Variants in EPSTI1 observed in about 807,000 individuals in gnomAD.
The protein encoded by EPSTI1 is epithelial stromal interaction 1.
In EPSTI1, 66 loss-of-function variants were observed where a neutral mutation model predicts 49.9. The observed-to-expected ratio is 1.32, with a 90% CI of 1.08 to 1.62. EPSTI1 has a LOEUF of 1.62. EPSTI1 is among the 40% of genes most tolerant of loss of function. The pLI, the probability that EPSTI1 is intolerant of heterozygous loss-of-function variation, is 0.00. For synonymous variants in EPSTI1, 137 were observed against 130.7 expected, an observed-to-expected ratio of 1.05 and a Z score of -0.33; for missense variants, 394 against 365.5, an observed-to-expected ratio of 1.08 and a Z score of -0.64.
At chr13:42,955,229 C>T (rs2039221768) in intron 5 of EPSTI1, among the ~76,000 whole-genome samples, 1 of 152,088 alleles carries the variant, frequency 6.6e-6, no homozygotes, top group Admixed American at 6.5e-5. Flanking sequence ...CTGATGAGCA[C>T]AAAAGTGTTC....
At position 42,890,560 on chromosome 13, in the gene EPSTI1, T is replaced by A. The variant is rs576454407; in HGVS notation, c.916-2058A>T. 3.9e-5 allele frequency among the ~76,000 whole-genome samples: 6 copies of A among 152,222 alleles called. No individual in the cohort carries two copies. In the East Asian group the frequency reaches 1.2e-3, roughly 29 times the overall value. On this transcript the variant is annotated intron_variant, in intron 10 of 10. Transcript: ENST00000313624. ...TGATCCGCCCACCTCGGCCTCCCAA[T>A]GTGGTGGGATTACAGGCGTGAGCTA...
chr13:42,940,212 G>C (rs2038707523), intron 6 of EPSTI1, among the ~76,000 whole-genome samples: 1 of 152,136 alleles, frequency 6.6e-6, no homozygotes. Flanking sequence ...AGGTTGCTGA[G>C]TACCCTATAT....
chr13:42,978,356 G>A (rs754215874), intron 1 of EPSTI1, among the ~76,000 whole-genome samples: 2 of 152,106 alleles, frequency 1.3e-5, no homozygotes, highest in Non-Finnish European at 2.9e-5. Context: ...GCAAAGGTGG[G>A]ACAACGCATA....
chr13:42,957,188 A>G (rs1018235623), intron 5 of EPSTI1, among the ~76,000 whole-genome samples: 3 of 152,240 alleles, frequency 2.0e-5, no homozygotes, highest in African/African-American at 7.2e-5. Flanking sequence ...AAGGAGGAAG[A>G]GTCTAAGATT....
chr13:42,888,124 G>T lies in EPSTI1; in HGVS notation c.*370C>A. ...CCAAAGCTTTCAAAACCTGATCTGA[G>T]AATTAGATAAGAATATGTCACTTAG... On this transcript the variant is annotated 3_prime_UTR_variant, in exon 11 of 11. Coordinates refer to ENST00000313624, the MANE Select transcript of EPSTI1 (RefSeq NM_033255.5). The T allele has an allele frequency of 1.7e-6, 2 of 1,154,938 alleles. No homozygotes were observed. Among genetic ancestry groups the T allele is most frequent in the Non-Finnish European group, 2.4e-6 (2 of 822,568 alleles). 71.5% of individuals were successfully genotyped at this position (1,154,938 alleles called of 1,614,324 possible). A position where few individuals can be genotyped will look rare whatever the true frequency, so the allele number is the denominator to read the frequency against.
At chr13:42,894,556 T>C (rs2037130447) in intron 10 of EPSTI1, among the ~76,000 whole-genome samples, 1 of 152,166 alleles carries the variant, frequency 6.6e-6, no homozygotes, top group Non-Finnish European at 1.5e-5. Flanking sequence ...CCTTTTGCTA[T>C]AGGGTTTCTA....
chr13:42,941,659 T>G (rs2038755883), intron 6 of EPSTI1, among the ~76,000 whole-genome samples: 1 of 150,182 alleles, frequency 6.7e-6, no homozygotes, highest in Non-Finnish European at 1.5e-5. Flanking sequence ...GTAAACAGAC[T>G]ATAATTTCAT....
intron 6 of EPSTI1, among the ~76,000 whole-genome samples, chr13:42,945,278 T>C (rs981027289): frequency 3.3e-5 from 5 of 152,198 alleles, no homozygotes; most frequent in Non-Finnish European, 7.4e-5. Flanking sequence ...CCAGATCTCA[T>C]GAGATGTATT....
rs1341374988 is a variant in EPSTI1 at position 42,958,661 on chromosome 13, T to G, written c.489+4594A>C. Among the ~76,000 whole-genome samples the G allele has an allele frequency of 2.0e-5, 3 of 152,102 alleles. No individual in the cohort carries two copies. The East Asian group carries it at 5.8e-4, about 29-fold the overall frequency. Reference sequence around the variant, plus strand: ...TAAGAAAAGAGAAAAATAAAGATACTTAAGGCTGGCAACCTTTATTTCCTA... The same window carrying G: ...TAAGAAAAGAGAAAAATAAAGATACGTAAGGCTGGCAACCTTTATTTCCTA... On this transcript the variant is annotated intron_variant, in intron 5 of 10. Coordinates refer to ENST00000313624, the MANE Select transcript of EPSTI1 (RefSeq NM_033255.5).
chr13:42,992,190 C>A lies in EPSTI1; in HGVS notation c.-25G>T. ...TGGTTCACAGCCCGCGGGTCCCGGG[C>A]CGCCGTCGCTGCGGGAGGGATGCGG... On this transcript the variant is annotated 5_prime_UTR_variant, in exon 1 of 11. Coordinates refer to ENST00000313624, the MANE Select transcript of EPSTI1 (RefSeq NM_033255.5). The A allele has an allele frequency of 1.3e-6, 2 of 1,518,638 alleles. No individual in the cohort carries two copies. The highest frequency in any genetic ancestry group is 8.8e-7 in the Non-Finnish European group (1 of 1,134,332). The allele number at this position is 1,518,638 out of a possible 1,614,324, so 94.1% of individuals were successfully genotyped here. A position where few individuals can be genotyped will look rare whatever the true frequency, so the allele number is the denominator to read the frequency against.
In EPSTI1 at chr13:42,969,237, C is replaced by G. The variant is rs2039706436; in HGVS notation, c.248-60G>C. ...TTAGACTTCTAAAAGAAAACCAGTC[C>G]CTTCAAAGCATAAGAAACAACTATT... is the stretch of plus-strand genomic sequence containing the variant. On this transcript the variant is annotated intron_variant, in intron 2 of 10. Coordinates refer to ENST00000313624, the MANE Select transcript of EPSTI1 (RefSeq NM_033255.5). The G allele has an allele frequency of 4.0e-6, 6 of 1,512,882 alleles. No homozygotes were observed. The East Asian group carries it at 9.2e-5, about 23-fold the overall frequency. 93.7% of individuals were successfully genotyped at this position (1,512,882 alleles called of 1,614,324 possible).
Position 42,969,187 on chromosome 13 carries a change from G to A in EPSTI1, c.248-10C>T. 2 of 1,613,134 alleles carry A rather than the reference G, an allele frequency of 1.2e-6. No individual in the cohort carries two copies. The highest frequency in any genetic ancestry group is 1.7e-6 in the Non-Finnish European group (2 of 1,179,776). On this transcript the variant is annotated splice_polypyrimidine_tract_variant and intron_variant, in intron 2 of 10. Transcript: ENST00000313624. ...AGCTCCTGCTCCGCAACTAAGCCAG[G>A]CGAGAAATATCAAATCGTCAATTAT...
At chr13:42,930,735 GA>G (rs1382364913) in intron 6 of EPSTI1, among the ~76,000 whole-genome samples, 2 of 151,922 alleles carry the variant, frequency 1.3e-5, no homozygotes, top group Admixed American at 6.6e-5. Context: ...AAAATATAAA[GA>G]AAAAAAGTGA....
intron 6 of EPSTI1, among the ~76,000 whole-genome samples, chr13:42,945,323 C>G (rs1483489899): frequency 6.6e-6 from 1 of 152,152 alleles, no homozygotes; most frequent in Non-Finnish European, 1.5e-5. Context: ...AAAGACCCAC[C>G]CCCATGATTC....
chr13:42,915,329 C>T (rs186066007), intron 8 of EPSTI1, among the ~76,000 whole-genome samples: 265 of 152,216 alleles, frequency 1.7e-3, no homozygotes, highest in African/African-American at 6.0e-3. Context: ...GTCAGGAGTT[C>T]GAGACCAGCC....
chr13:42,959,016 C>G (rs1448766971), intron 5 of EPSTI1, among the ~76,000 whole-genome samples: 2 of 151,956 alleles, frequency 1.3e-5, no homozygotes, highest in East Asian at 3.9e-4. Context: ...TAATAGATTC[C>G]AACGAGATAG....
chr13:42,888,503 C>T lies in EPSTI1; in HGVS notation c.916-1G>A. ...AGGAGTCAATATTTTCTCATATACC[C>T]TGGAAGAAAAAGAAAACAAAAATTA... On this transcript the variant is annotated splice_acceptor_variant, in intron 10 of 10. Coordinates refer to ENST00000313624, the MANE Select transcript of EPSTI1 (RefSeq NM_033255.5). LOFTEE classifies it high-confidence loss of function. 6.3e-7 allele frequency: 1 copy of T among 1,584,212 alleles called. No individual in the cohort carries two copies.
chr13:42,892,705 G>C (rs2037073001), intron 10 of EPSTI1, among the ~76,000 whole-genome samples: 1 of 152,200 alleles, frequency 6.6e-6, no homozygotes, highest in Admixed American at 6.5e-5. Context: ...TGGGAGTCAT[G>C]AACATATAGA....
intron 6 of EPSTI1, among the ~76,000 whole-genome samples, chr13:42,935,600 T>C (rs937388768): frequency 6.6e-6 from 1 of 152,184 alleles, no homozygotes; most frequent in East Asian, 1.9e-4. Context: ...TTTTATTTTT[T>C]ATTTTTTTGA....
Sources: gnomAD v4.1 joint callset for allele counts (sites outside exome capture counted in the v4.1 genomes callset) on GRCh38, gnomAD v4.1.1 for gene constraint, MANE v1.5 for transcripts, NCBI Gene and HGNC (gene_info 2026-07-23, HGNC 2026-07-21) for gene names.